Variants in ZNF469 observed in about 807,000 individuals in gnomAD.
ZNF469 encodes the protein zinc finger protein 469.
In ZNF469, 1 loss-of-function variant was observed where a neutral mutation model predicts 1.0. The ratio of observed to expected loss-of-function variants is 1.00; its 90% CI spans 0.35 to 4.73. ZNF469 has a LOEUF of 4.73. Among genes scored for constraint, ZNF469 ranks in the 30% most tolerant of loss-of-function variants. The pLI, the probability that ZNF469 is intolerant of heterozygous loss-of-function variation, is 0.16. For missense variants in ZNF469, 6,100 were observed against 5,356.3 expected, an observed-to-expected ratio of 1.14 and a Z score of -4.33; for synonymous variants, 2,703 against 2,363.4, an observed-to-expected ratio of 1.14 and a Z score of -4.17.
intron 2 of ZNF469, among the ~76,000 whole-genome samples, chr16:88,425,460 TGTGC>T (rs1905659383): frequency 1.5e-5 from 2 of 134,068 alleles, no homozygotes; most frequent in African/African-American, 6.6e-5. Context: ...GGGCAGGAGA[TGTGC>T]AGGGCAGGAG....
At chr16:88,239,311 A>T in the ZNF469 span, among the ~76,000 whole-genome samples, 2 of 152,104 alleles carry the variant, frequency 1.3e-5, no homozygotes, top group Admixed American at 1.3e-4. Context: ...TTTCCCCTTT[A>T]TGTGGTTAAA....
At chr16:88,104,415 G>A in the ZNF469 span, among the ~76,000 whole-genome samples, 96 of 151,932 alleles carry the variant, frequency 6.3e-4, no homozygotes, top group East Asian at 0.015. Flanking sequence ...CCAGCCTCTC[G>A]CCGGCCCCTT....
At chr16:88,192,222 C>T in the ZNF469 span, 15,213 of 152,080 alleles carry the variant, frequency 0.1, 990 homozygotes, top group Admixed American at 0.2. Context: ...CTGGTGGAAG[C>T]GTTCGGGGTG....
chr16:88,313,534 T>C, the ZNF469 span, among the ~76,000 whole-genome samples: 1 of 152,160 alleles, frequency 6.6e-6, no homozygotes, highest in African/African-American at 2.4e-5. Flanking sequence ...GTCTCTGTAA[T>C]TAAGACAATG....
intron 1 of ZNF469, among the ~76,000 whole-genome samples, chr16:88,410,418 G>T: frequency 6.6e-6 from 1 of 151,270 alleles, no homozygotes; most frequent in Non-Finnish European, 1.5e-5. Context: ...CAGGTCACGT[G>T]GTCATGGAGA....
At chr16:88,130,171 C>G in the ZNF469 span, among the ~76,000 whole-genome samples, 1 of 152,192 alleles carries the variant, frequency 6.6e-6, no homozygotes, top group South Asian at 2.1e-4. Context: ...CAGATGGCAG[C>G]TTGCAGCATC....
chr16:88,113,792 C>T, the ZNF469 span, among the ~76,000 whole-genome samples: 12 of 152,204 alleles, frequency 7.9e-5, no homozygotes, highest in Non-Finnish European at 1.3e-4. Flanking sequence ...TTTGACACCC[C>T]CCGGTGCAGG....
chr16:88,381,566 G>A (rs775282032), upstream of ZNF469, among the ~76,000 whole-genome samples: 7 of 152,236 alleles, frequency 4.6e-5, no homozygotes, highest in Non-Finnish European at 1.0e-4. Flanking sequence ...TAGGAAACCC[G>A]CTTGATTGAA....
At chr16:88,389,783 ACC>A (rs1265822583) in intron 1 of ZNF469, among the ~76,000 whole-genome samples, 1 of 152,022 alleles carries the variant, frequency 6.6e-6, no homozygotes, top group Non-Finnish European at 1.5e-5. Flanking sequence ...GGCCATGGGG[ACC>A]TCAAGGCTGT....
chr16:88,242,374 G>T, the ZNF469 span, among the ~76,000 whole-genome samples: 1 of 152,332 alleles, frequency 6.6e-6, no homozygotes, highest in African/African-American at 2.4e-5. Flanking sequence ...GTGCCGGCAA[G>T]GCTGGCTCTT....
the ZNF469 span, among the ~76,000 whole-genome samples, chr16:88,356,274 G>T: frequency 6.6e-6 from 1 of 152,074 alleles, no homozygotes; most frequent in South Asian, 2.1e-4. Context: ...AGGGTCCAAG[G>T]TCCATGATCG....
At chr16:88,302,775 G>A in the ZNF469 span, among the ~76,000 whole-genome samples, 2,088 of 152,242 alleles carry the variant, frequency 0.014, 40 homozygotes, top group African/African-American at 0.048. Flanking sequence ...CTGCTTTCCA[G>A]GAACCTCAGG....
At chr16:88,224,829 A>C in the ZNF469 span, among the ~76,000 whole-genome samples, 3 of 152,026 alleles carry the variant, frequency 2.0e-5, no homozygotes, top group Non-Finnish European at 4.4e-5. Context: ...CAGCCTTTTG[A>C]TTCCTTATCT....
chr16:88,230,887 C>G, the ZNF469 span, among the ~76,000 whole-genome samples: 11 of 151,604 alleles, frequency 7.3e-5, no homozygotes, highest in South Asian at 2.3e-3. Context: ...GGCCCGGGCT[C>G]TCACAGCGGG....
the ZNF469 span, among the ~76,000 whole-genome samples, chr16:88,179,758 G>C: frequency 6.6e-6 from 1 of 152,204 alleles, no homozygotes; most frequent in African/African-American, 2.4e-5. Flanking sequence ...TCTTTAAAAA[G>C]ATATCCAAAG....
At chr16:88,239,701 AT>A in the ZNF469 span, among the ~76,000 whole-genome samples, 2 of 8,668 alleles carry the variant, frequency 2.3e-4, no homozygotes, top group Non-Finnish European at 3.4e-4. Context: ...ATATATATAT[AT>A]ATATATATAT....
At chr16:88,371,269 C>A in the ZNF469 span, among the ~76,000 whole-genome samples, 1 of 152,258 alleles carries the variant, frequency 6.6e-6, no homozygotes, top group African/African-American at 2.4e-5. Flanking sequence ...ATACTAAGCA[C>A]ACACAATGCT....
chr16:88,400,320 C>T (rs534153953), intron 1 of ZNF469, among the ~76,000 whole-genome samples: 135 of 152,060 alleles, frequency 8.9e-4, no homozygotes, highest in Non-Finnish European at 1.5e-3. Context: ...AAAATGTGCC[C>T]AGGCCTGGCA....
the ZNF469 span, among the ~76,000 whole-genome samples, chr16:88,113,346 G>C: frequency 6.6e-6 from 1 of 152,198 alleles, no homozygotes; most frequent in South Asian, 2.1e-4. Flanking sequence ...CACCGTTTAT[G>C]GAAGAGACTG....
Sources: gnomAD v4.1 joint callset for allele counts (sites outside exome capture counted in the v4.1 genomes callset) on GRCh38, gnomAD v4.1.1 for gene constraint, MANE v1.5 for transcripts, NCBI Gene and HGNC (gene_info 2026-07-23, HGNC 2026-07-21) for gene names.